Variants in NFIX observed in about 807,000 individuals in gnomAD.
NFIX encodes the protein nuclear factor I X.
A neutral mutation model predicts 53.3 loss-of-function variants in NFIX; 2 were observed. The ratio of observed to expected loss-of-function variants is 0.04; its 90% CI spans 0.02 to 0.12. The LOEUF is 0.12. Ranked by LOEUF, NFIX falls within the 10% of genes least tolerant of loss-of-function variation. The pLI is 1.00. For missense variants in NFIX, 310 were observed against 674.5 expected (o/e 0.46, Z 5.99); for synonymous variants, 244 against 289.0 (o/e 0.84, Z 1.58).
Position 13,094,575 on chromosome 19 carries a change from G to A in NFIX, c.1495-60G>A. ...GGGGCCAGGTCACTGGGCCAGGTAG[G>A]AGTGAGATGGGACCTGCCCCAGCTG... On this transcript the variant is annotated intron_variant, in intron 10 of 10. Transcript: ENST00000592199. This position sits in a 1 kb window ranked among gnomAD's most constrained non-coding sequence, Gnocchi z 4.3. 1 of 1,523,452 alleles carries A rather than the reference G, an allele frequency of 6.6e-7. No homozygotes were observed. Among genetic ancestry groups the A allele is most frequent in the South Asian group, 1.2e-5 (1 of 83,666 alleles). The allele number at this position is 1,523,452 out of a possible 1,614,324, so 94.4% of individuals were successfully genotyped here.
At chr19:13,016,810 G>A (rs942659330) in intron 1 of NFIX, among the ~76,000 whole-genome samples, 1 of 152,110 alleles carries the variant, frequency 6.6e-6, no homozygotes, top group African/African-American at 2.4e-5. Context: ...GGGGGAGGAC[G>A]CTCGGCAGCC....
intron 1 of NFIX, 102 bp downstream of exon 1, chr19:12,995,966 C>A: frequency 5.1e-6 from 2 of 394,002 alleles, no homozygotes; most frequent in Non-Finnish European, 6.9e-6. Flanking sequence ...GAAGGGGGGG[C>A]CGAGAGCCCG....
At chr19:13,046,057 G>A (rs1340106420) in intron 2 of NFIX, among the ~76,000 whole-genome samples, 1 of 152,194 alleles carries the variant, frequency 6.6e-6, no homozygotes, top group Non-Finnish European at 1.5e-5. Context: ...GCTGGGTGGG[G>A]CAGAGGCCTG....
intron 6 of NFIX, among the ~76,000 whole-genome samples, chr19:13,076,027 C>T (rs577890151): frequency 6.6e-6 from 1 of 152,188 alleles, no homozygotes; most frequent in South Asian, 2.1e-4. Flanking sequence ...GTTTCTCACC[C>T]TGGGGGCTCA....
In NFIX at chr19:13,072,422, C is replaced by A. The variant is rs573720156; in HGVS notation, c.560-625C>A. Among the ~76,000 whole-genome samples the A allele has an allele frequency of 3.3e-5, 5 of 152,344 alleles. No homozygotes were observed. The South Asian group carries it at 8.3e-4, about 25-fold the overall frequency. On this transcript the variant is annotated intron_variant, in intron 2 of 10. Transcript: ENST00000592199. This position sits in a 1 kb window ranked among gnomAD's most constrained non-coding sequence, Gnocchi z 4.0. Reference sequence around the variant, plus strand: ...CGACAGCGTCAGGGCAGACCTCCCCCCTCTGGGTTGCCAGGCACTGCCTCT... The same window carrying A: ...CGACAGCGTCAGGGCAGACCTCCCCACTCTGGGTTGCCAGGCACTGCCTCT...
chr19:13,095,308 C>G lies in NFIX; in HGVS notation c.*659C>G, dbSNP rs1599892994. On this transcript the variant is annotated 3_prime_UTR_variant, in exon 11 of 11. Transcript: ENST00000592199. ...CACCCTTGGGCTAAAAGCCCCCAGG[C>G]GGGCAGGGGGTGACCCCTGGAGCTA... is the stretch of plus-strand genomic sequence containing the variant. 6.6e-6 allele frequency: 1 copy of G among 152,406 alleles called. No homozygotes were observed. The highest frequency in any genetic ancestry group is 1.5e-5 in the Non-Finnish European group (1 of 68,160). The allele number at this position is 152,406 out of a possible 1,614,324, so 9.4% of individuals were successfully genotyped here. A position where few individuals can be genotyped will look rare whatever the true frequency, so the allele number is the denominator to read the frequency against.
At chr19:13,050,727 T>C (rs1458964568) in intron 2 of NFIX, among the ~76,000 whole-genome samples, 2 of 152,190 alleles carry the variant, frequency 1.3e-5, no homozygotes, top group Non-Finnish European at 2.9e-5. Flanking sequence ...TCATATTTGC[T>C]TCTCTGTGAC....
At chr19:13,077,513 G>T (rs2085462206) in intron 6 of NFIX, among the ~76,000 whole-genome samples, 1 of 152,154 alleles carries the variant, frequency 6.6e-6, no homozygotes, top group African/African-American at 2.4e-5. Context: ...CACTGTGCCA[G>T]CTATCAGGTG....
chr19:13,015,790 TCACACACACACACACACACACACGCACA>T (rs1217887503), intron 1 of NFIX, among the ~76,000 whole-genome samples: 6 of 132,052 alleles, frequency 4.5e-5, no homozygotes, highest in African/African-American at 1.8e-4. Context: ...CATAGAGAGA[TCACACACACACACACACACACACGCACA>T]CGCACACGCA....
In NFIX at chr19:13,009,035, C is replaced by G. The variant is rs2012177996; in HGVS notation, c.27+13171C>G. Reference sequence around the variant, plus strand: ...GTCCCAGTCCCACACACTGCCTCATCCCCACTCACAGTCAACGCCCGCAAC... The same window carrying G: ...GTCCCAGTCCCACACACTGCCTCATGCCCACTCACAGTCAACGCCCGCAAC... On this transcript the variant is annotated intron_variant, in intron 1 of 10. Transcript: ENST00000592199. The surrounding 1 kb of genome is among the most constrained non-coding windows in gnomAD (Gnocchi z 4.7). Among the ~76,000 whole-genome samples the G allele has an allele frequency of 6.6e-6, 1 of 152,220 alleles. No homozygotes were observed. The highest frequency in any genetic ancestry group is 2.4e-5 in the African/African-American group (1 of 41,446).
chr19:13,016,093 C>T (rs1160280021), intron 1 of NFIX, among the ~76,000 whole-genome samples: 3 of 152,140 alleles, frequency 2.0e-5, no homozygotes, highest in African/African-American at 7.2e-5. Context: ...GAAAGTGTAT[C>T]AAGCGGCCTA....
At chr19:13,034,429 G>A (rs543972209) in intron 2 of NFIX, among the ~76,000 whole-genome samples, 1 of 152,260 alleles carries the variant, frequency 6.6e-6, no homozygotes, top group East Asian at 1.9e-4. Context: ...CAGGTTGGCT[G>A]GATGCTCTCA....
chr19:13,032,222 T>C (rs1327160509), intron 2 of NFIX, among the ~76,000 whole-genome samples: 2 of 152,308 alleles, frequency 1.3e-5, no homozygotes, highest in East Asian at 3.9e-4. Flanking sequence ...CTGGAACTCC[T>C]TTCTGAGTTG....
chr19:13,088,352 T>C lies in NFIX; in HGVS notation c.1402+216T>C, dbSNP rs1037378030. Among the ~76,000 whole-genome samples, 3 of 151,628 alleles carry C rather than the reference T, an allele frequency of 2.0e-5. No individual in the cohort carries two copies. Among genetic ancestry groups the C allele is most frequent in the South Asian group, 4.2e-4 (2 of 4,780 alleles). On this transcript the variant is annotated intron_variant, in intron 9 of 10. Transcript: ENST00000592199. This position sits in a 1 kb window ranked among gnomAD's most constrained non-coding sequence, Gnocchi z 5.9. ...ACCCCACGAGCCCCCTGCCCGCTGCTCCCAGCCGGGGCCCCTGGCCCAGGC... is the reference window on the plus strand; with the variant it reads ...ACCCCACGAGCCCCCTGCCCGCTGCCCCCAGCCGGGGCCCCTGGCCCAGGC...
chr19:13,087,522 G>T (rs2017848937), intron 8 of NFIX, among the ~76,000 whole-genome samples: 1 of 151,992 alleles, frequency 6.6e-6, no homozygotes, highest in South Asian at 2.1e-4. Flanking sequence ...TGCCGTCCTT[G>T]GTTAGGTGAA....
Position 13,006,657 on chromosome 19 carries a change from G to A in NFIX, c.27+10793G>A, listed in dbSNP as rs1010400120. Among the ~76,000 whole-genome samples the A allele has an allele frequency of 2.0e-5, 3 of 152,198 alleles. No homozygotes were observed. The highest frequency in any genetic ancestry group is 4.4e-5 in the Non-Finnish European group (3 of 68,024). On this transcript the variant is annotated intron_variant, in intron 1 of 10. Coordinates refer to ENST00000592199, the MANE Select transcript of NFIX (RefSeq NM_001365902.3). This position sits in a 1 kb window ranked among gnomAD's most constrained non-coding sequence, Gnocchi z 5.6. ...CCTGTCACCCTGGCAGTACCAGGCT[G>A]CGCCATCTTTGCAGGGTCTTGGGGA...
At chr19:13,085,706 G>T (rs1370371714) in intron 8 of NFIX, among the ~76,000 whole-genome samples, 1 of 152,218 alleles carries the variant, frequency 6.6e-6, no homozygotes, top group African/African-American at 2.4e-5. Flanking sequence ...GGGCAGGAAT[G>T]GGTCAAAGGA....
At chr19:13,092,847 G>A (rs1017237049) in intron 10 of NFIX, among the ~76,000 whole-genome samples, 4 of 152,244 alleles carry the variant, frequency 2.6e-5, no homozygotes, top group African/African-American at 9.6e-5. Context: ...CTGGGTTTCC[G>A]CCTTAGCCTC....
chr19:13,024,781 C>G, intron 1 of NFIX: 5 of 1,475,688 alleles, frequency 3.4e-6, no homozygotes, highest in Non-Finnish European at 4.6e-6. Flanking sequence ...GTGCCTCTGT[C>G]TGGCTGCTGA....
Sources: gnomAD v4.1 joint callset for allele counts (sites outside exome capture counted in the v4.1 genomes callset) on GRCh38, gnomAD v4.1.1 for gene constraint, Gnocchi (gnomAD v3.1) non-coding constraint, MANE v1.5 for transcripts, NCBI Gene and HGNC (gene_info 2026-07-23, HGNC 2026-07-21) for gene names.